Variants in MTTP observed in about 807,000 individuals in gnomAD.
MTTP encodes microsomal triglyceride transfer protein.
MTTP carries 49 observed loss-of-function variants against 90.6 expected under a neutral mutation model. The observed-to-expected ratio is 0.54, with a 90% CI of 0.43 to 0.69. MTTP has a LOEUF of 0.69. Ranked by LOEUF, MTTP falls within the 30% of genes least tolerant of loss-of-function variation. The pLI, the probability that MTTP is intolerant of heterozygous loss-of-function variation, is 0.00. For synonymous variants in MTTP, 347 were observed against 384.2 expected (o/e 0.90, Z 1.13); for missense variants, 945 against 1,067.5 (o/e 0.89, Z 1.60).
At chr4:99,583,687 T>G in intron 3 of MTTP, 170 bp downstream of exon 3, 1 of 805,484 alleles carries the variant, frequency 1.2e-6, no homozygotes, top group Non-Finnish European at 2.1e-6. Context: ...ACTGAATCAA[T>G]GCCCTGAGTT....
In MTTP at chr4:99,618,738, A is replaced by G. The variant is rs1045834655; in HGVS notation, c.2218-236A>G. ...TGATTGAAGGAAAACATCCTTCTTAATTGGCACTTCATCACTCTGGTATTT... is the reference window on the plus strand; with the variant it reads ...TGATTGAAGGAAAACATCCTTCTTAGTTGGCACTTCATCACTCTGGTATTT... On this transcript the variant is annotated intron_variant, in intron 15 of 17. Coordinates refer to ENST00000265517, the MANE Select transcript of MTTP (RefSeq NM_001386140.1). 1.2e-3 allele frequency among the ~76,000 whole-genome samples: 177 copies of G among 152,178 alleles called. 3 individuals are homozygous for G. The highest frequency in any genetic ancestry group is 1.5e-4 in the Non-Finnish European group (10 of 68,024).
chr4:99,594,707 T>C (rs776213334), intron 6 of MTTP, 26 bp from the exon 7 acceptor site: 8 of 1,612,544 alleles, frequency 5.0e-6, no homozygotes, highest in South Asian at 3.3e-5. Flanking sequence ...GATTATAATA[T>C]AGCATTTCCC....
chr4:99,622,633 T>G (rs1384418220), intron 17 of MTTP, 44 bp from the exon 18 acceptor site: 2 of 1,603,936 alleles, frequency 1.2e-6, no homozygotes, highest in South Asian at 2.2e-5. Flanking sequence ...ATAGGGTGAC[T>G]TAACTGTGTG....
chr4:99,568,325 G>C (rs13131135), intron 1 of MTTP, among the ~76,000 whole-genome samples: 12,271 of 152,078 alleles, frequency 0.081, 859 homozygotes, highest in East Asian at 0.19. Flanking sequence ...CATGATATAA[G>C]GTTAACATGC....
chr4:99,579,618 CTA>C (rs1560613114), intron 1 of MTTP, among the ~76,000 whole-genome samples: 1 of 152,018 alleles, frequency 6.6e-6, no homozygotes, highest in Non-Finnish European at 1.5e-5. Flanking sequence ...TTCTATCATA[CTA>C]TATAACTTGC....
chr4:99,572,778 CAG>C (rs962384302), upstream of MTTP, among the ~76,000 whole-genome samples: 3 of 152,022 alleles, frequency 2.0e-5, no homozygotes, highest in African/African-American at 7.2e-5. Context: ...CTTCGATACA[CAG>C]AGTTTACTGA....
At position 99,608,770 on chromosome 4, in the gene MTTP, A is replaced by G. The variant is rs1341268843; in HGVS notation, c.1562A>G (p.Lys521Arg). The G allele has an allele frequency of 6.2e-7, 1 of 1,613,438 alleles. No individual in the cohort carries two copies. The highest frequency in any genetic ancestry group is 8.5e-7 in the Non-Finnish European group (1 of 1,179,462). ...GTTTGAACATCTTATGAACAGGTGA[A>G]GAAGACCTTAAACAGAATATACCAC... is the stretch of plus-strand genomic sequence containing the variant. Reference protein sequence around the residue: ...YDLPFITDEVKKTLNRIYHQN... With the variant: ...YDLPFITDEVRKTLNRIYHQN... Residue 521 changes from lysine (K) to arginine (R), a missense_variant, in exon 12 of 18, where the codon AAG (lysine) becomes AGG (arginine). Lys to Arg is a conservative substitution (Grantham distance 26). Coordinates refer to ENST00000265517, the MANE Select transcript of MTTP (RefSeq NM_001386140.1).
At chr4:99,578,439 A>G (rs1560612745) in intron 1 of MTTP, among the ~76,000 whole-genome samples, 1 of 152,220 alleles carries the variant, frequency 6.6e-6, no homozygotes, top group Non-Finnish European at 1.5e-5. Flanking sequence ...ACAGAGAAAT[A>G]CTTATCAAAA....
intron 4 of MTTP, 45 bp from the exon 5 acceptor site, chr4:99,591,190 G>T: frequency 7.2e-7 from 1 of 1,383,046 alleles, no homozygotes; most frequent in Non-Finnish European, 1.0e-6. Flanking sequence ...AATTCAAATG[G>T]CCCACAAGGA....
At chr4:99,585,880 G>C (rs923259760) in intron 3 of MTTP, among the ~76,000 whole-genome samples, 1 of 152,090 alleles carries the variant, frequency 6.6e-6, no homozygotes, top group African/African-American at 2.4e-5. Flanking sequence ...TAACAATGAG[G>C]ACTAAGAAGC....
At chr4:99,572,788 T>C (rs1724868010), upstream of MTTP, among the ~76,000 whole-genome samples, 3 of 152,128 alleles carry the variant, frequency 2.0e-5, no homozygotes, top group South Asian at 6.2e-4. Flanking sequence ...CAGAGTTTAC[T>C]GAATTTGGAA....
At chr4:99,607,846 C>T (rs76289571) in intron 11 of MTTP, among the ~76,000 whole-genome samples, 1 of 152,050 alleles carries the variant, frequency 6.6e-6, no homozygotes, top group East Asian at 1.9e-4. Context: ...AGAGATGTAC[C>T]ACTGAGGGCA....
chr4:99,615,079 C>A (rs555703827), intron 15 of MTTP, among the ~76,000 whole-genome samples: 3 of 152,312 alleles, frequency 2.0e-5, no homozygotes, highest in African/African-American at 7.2e-5. Context: ...AGCTCAACAC[C>A]ACCTGTATGT....
At chr4:99,582,229 C>G in intron 2 of MTTP, 137 bp downstream of exon 2, 1 of 891,818 alleles carries the variant, frequency 1.1e-6, no homozygotes, top group East Asian at 2.5e-5. Flanking sequence ...ACAAGCAGTT[C>G]TATGTATTTA....
At chr4:99,575,992 GA>G (rs1401431489) in intron 1 of MTTP, among the ~76,000 whole-genome samples, 1 of 151,872 alleles carries the variant, frequency 6.6e-6, no homozygotes, top group Admixed American at 6.6e-5. Flanking sequence ...TCCACATGAG[GA>G]AAAAAACCTA....
chr4:99,591,511 C>A, intron 5 of MTTP, 140 bp from the exon 6 acceptor site: 2 of 1,114,828 alleles, frequency 1.8e-6, no homozygotes, highest in Non-Finnish European at 2.6e-6. Flanking sequence ...AGACCCATTT[C>A]AATTGTTGTA....
rs766095107 is a variant in MTTP, at chr4:99,611,253, A to G, written c.1867+13A>G. 1 of 1,613,668 alleles carries G rather than the reference A, an allele frequency of 6.2e-7. No individual in the cohort carries two copies. The highest frequency in any genetic ancestry group is 1.1e-5 in the South Asian group (1 of 91,066). On this transcript the variant is annotated intron_variant, in intron 13 of 17. Coordinates refer to ENST00000265517, the MANE Select transcript of MTTP (RefSeq NM_001386140.1). ...GGCTACATAGAACGTATGTACACCA[A>G]AAAGAGGTTCTCCTTCCATACCCCA...
chr4:99,573,430 C>T (rs1724881550), upstream of MTTP, among the ~76,000 whole-genome samples: 1 of 152,104 alleles, frequency 6.6e-6, no homozygotes, highest in South Asian at 2.1e-4. Context: ...CTGTTTAACT[C>T]CCGGAAAACT....
In MTTP at chr4:99,606,846, G is replaced by C; in HGVS notation, c.1443G>C (p.Leu481=). The C allele has an allele frequency of 6.2e-7, 1 of 1,614,130 alleles. No homozygotes were observed. ...RMYLLALKNA[L]LPEGIPSLLK... ...ATCTGCTGGCTTTGAAGAATGCCCTGCTTCCAGAAGGCATCCCAAGTCTTC... is the reference window on the plus strand; with the variant it reads ...ATCTGCTGGCTTTGAAGAATGCCCTCCTTCCAGAAGGCATCCCAAGTCTTC... The change falls in exon 11 of 18, where the codon CTG becomes CTC. Residue 481 remains leucine, a synonymous_variant. Transcript: ENST00000265517.
Sources: allele counts gnomAD v4.1 joint callset (sites outside exome capture counted in the v4.1 genomes callset), GRCh38; gene constraint gnomAD v4.1.1; transcripts MANE v1.5; gene names NCBI Gene and HGNC (gene_info 2026-07-23, HGNC 2026-07-21).